Variants in TRPC4AP observed in about 807,000 individuals in gnomAD.
The protein encoded by TRPC4AP is transient receptor potential cation channel subfamily C member 4 associated protein.
Under a neutral mutation model 99.0 loss-of-function variants are expected in TRPC4AP, and 45 were observed. That is an observed-to-expected ratio of 0.45 (90% CI 0.36 to 0.58). The LOEUF (loss-of-function observed/expected upper bound fraction) is 0.58, where lower values mean the gene tolerates loss of function less well. Among genes scored for constraint, TRPC4AP ranks in the 20% least tolerant of loss-of-function variants. The pLI is 0.00. For synonymous variants in TRPC4AP, 408 were observed against 385.8 expected (o/e 1.06, Z -0.67); for missense variants, 879 against 985.3 (o/e 0.89, Z 1.44).
At chr20:35,019,748 C>T (rs6088678) in intron 9 of TRPC4AP, among the ~76,000 whole-genome samples, 28,042 of 152,074 alleles carry the variant, frequency 0.18, 2,682 homozygotes, top group Middle Eastern at 0.34. Context: ...AAACATGTTC[C>T]GTATTGAAGG....
At chr20:35,015,115 T>C (rs1235266027) in intron 10 of TRPC4AP, among the ~76,000 whole-genome samples, 2 of 152,014 alleles carry the variant, frequency 1.3e-5, no homozygotes, top group African/African-American at 4.8e-5. Context: ...TTCTCCCACC[T>C]CAGCCTCCTG....
At position 35,014,720 on chromosome 20, in the gene TRPC4AP, T is replaced by C. The variant is rs181164130; in HGVS notation, c.1350+1288A>G. ...GCTGAGGGAAGTCCCCAGAGTGCAGTGAAGAGAAGAGGGCCCCATGGCACC... is the reference window on the plus strand; with the variant it reads ...GCTGAGGGAAGTCCCCAGAGTGCAGCGAAGAGAAGAGGGCCCCATGGCACC... On this transcript the variant is annotated intron_variant, in intron 10 of 18. Coordinates refer to ENST00000252015, the MANE Select transcript of TRPC4AP (RefSeq NM_015638.3). 8.2e-3 allele frequency among the ~76,000 whole-genome samples: 1,246 copies of C among 152,222 alleles called. 8 individuals are homozygous for C. The highest frequency in any genetic ancestry group is 0.012 in the Non-Finnish European group (808 of 68,012).
At chr20:35,042,555 A>G (rs1009944368) in intron 7 of TRPC4AP, among the ~76,000 whole-genome samples, 10 of 152,182 alleles carry the variant, frequency 6.6e-5, no homozygotes, top group African/African-American at 9.7e-5. Context: ...TTTTAATGAT[A>G]CATTTGTATA....
rs377226689 is a variant in TRPC4AP at position 35,005,679 on chromosome 20, C to T, written c.1936+16G>A. 223 of 1,611,926 alleles carry T rather than the reference C, an allele frequency of 1.4e-4. 2 individuals carry two copies. In the African/African-American group the frequency reaches 2.4e-3, roughly 18 times the overall value. ...TACCCTGCATGACTTGCCTTGACAG[C>T]CTGCCTTTCATGTACCTTTCATATC... is the stretch of plus-strand genomic sequence containing the variant. On this transcript the variant is annotated intron_variant, in intron 16 of 18. Transcript: ENST00000252015.
chr20:35,051,204 A>T (rs2083692243), intron 5 of TRPC4AP, among the ~76,000 whole-genome samples: 1 of 152,174 alleles, frequency 6.6e-6, no homozygotes, highest in Admixed American at 6.5e-5. Context: ...AAGTATAATC[A>T]AGAGTGCAGA....
At chr20:35,082,737 G>T (rs1211216657) in intron 1 of TRPC4AP, among the ~76,000 whole-genome samples, 1 of 152,118 alleles carries the variant, frequency 6.6e-6, no homozygotes, top group Non-Finnish European at 1.5e-5. Context: ...TTTATTCAAT[G>T]CAATTCACCA....
At position 35,074,283 on chromosome 20, in the gene TRPC4AP, G is replaced by T. The variant is rs142923686; in HGVS notation, c.297+3763C>A. 4.4e-3 allele frequency among the ~76,000 whole-genome samples: 671 copies of T among 152,224 alleles called. 1 individual carries two copies. Among genetic ancestry groups the T allele is most frequent in the Non-Finnish European group, 6.1e-3 (412 of 68,014 alleles). ...TCTCTATATCCTTCAGTACTGCTCT[G>T]ATCTTAGTTATTTCTCGCCTTCTGC... On this transcript the variant is annotated intron_variant, in intron 2 of 18. Coordinates refer to ENST00000252015, the MANE Select transcript of TRPC4AP (RefSeq NM_015638.3).
chr20:35,062,919 T>C (rs1386673197), intron 3 of TRPC4AP, among the ~76,000 whole-genome samples: 2 of 152,224 alleles, frequency 1.3e-5, no homozygotes, highest in Admixed American at 6.5e-5. Flanking sequence ...TTATAGAAGC[T>C]AGACATAAAA....
intron 1 of TRPC4AP, among the ~76,000 whole-genome samples, chr20:35,079,838 G>A (rs1188879684): frequency 5.4e-5 from 8 of 148,774 alleles, no homozygotes; most frequent in Admixed American, 2.1e-4. Flanking sequence ...GCAACATAGC[G>A]AGAGCTCGCC....
intron 8 of TRPC4AP, chr20:35,030,361 G>A (rs1043750885): frequency 2.6e-5 from 4 of 151,870 alleles, no homozygotes; most frequent in Non-Finnish European, 4.4e-5. Context: ...TCCTTGCACA[G>A]GGGCCATGCT....
At chr20:35,081,389 C>T (rs2084641536) in intron 1 of TRPC4AP, among the ~76,000 whole-genome samples, 1 of 151,836 alleles carries the variant, frequency 6.6e-6, no homozygotes, top group Admixed American at 6.6e-5. Flanking sequence ...CAGCATGTGC[C>T]TGTAATCCCA....
chr20:35,055,080 G>A (rs2083794060), intron 4 of TRPC4AP, 49 bp from the exon 5 acceptor site: 1 of 1,530,684 alleles, frequency 6.5e-7, no homozygotes, highest in Non-Finnish European at 9.0e-7. Context: ...TGAAAAGATA[G>A]TACAACAGTT....
intron 1 of TRPC4AP, among the ~76,000 whole-genome samples, chr20:35,086,537 G>GTATATA (rs1289641922): frequency 4.6e-5 from 3 of 65,036 alleles, no homozygotes; most frequent in African/African-American, 8.6e-5. Flanking sequence ...GTGTGTGTGT[G>GTATATA]TGTGTGTGTG....
At chr20:35,067,626 T>C (rs1346333907) in intron 3 of TRPC4AP, among the ~76,000 whole-genome samples, 1 of 152,136 alleles carries the variant, frequency 6.6e-6, no homozygotes, top group Non-Finnish European at 1.5e-5. Flanking sequence ...CAAATGCCTC[T>C]CAACAAATAA....
In TRPC4AP at chr20:35,003,400, G is replaced by C. The variant is rs757271512; in HGVS notation, c.2256+10C>G. The C allele has an allele frequency of 4.3e-6, 7 of 1,613,918 alleles. No homozygotes were observed. The highest frequency in any genetic ancestry group is 5.9e-6 in the Non-Finnish European group (7 of 1,180,000). ...CCCACCCATCACCCCCTTGAGGGTG[G>C]GGCACTCACGTTCTCTAGGCAGGTG... On this transcript the variant is annotated intron_variant, in intron 18 of 18. Coordinates refer to ENST00000252015, the MANE Select transcript of TRPC4AP (RefSeq NM_015638.3).
At chr20:35,073,939 A>T (rs1053088485) in intron 2 of TRPC4AP, among the ~76,000 whole-genome samples, 2 of 152,186 alleles carry the variant, frequency 1.3e-5, no homozygotes, top group Non-Finnish European at 2.9e-5. Flanking sequence ...TATTGCCTCA[A>T]CTTCAGAGCC....
In TRPC4AP at chr20:35,078,028, A is replaced by C. The variant is rs78704804; in HGVS notation, c.297+18T>G. On this transcript the variant is annotated intron_variant, in intron 2 of 18. Coordinates refer to ENST00000252015, the MANE Select transcript of TRPC4AP (RefSeq NM_015638.3). ...CTAGAGGCCCTGAATACGCCCCTCCAAGGTCCTTAAGAGTTACCTTGAGGA... is the reference window on the plus strand; with the variant it reads ...CTAGAGGCCCTGAATACGCCCCTCCCAGGTCCTTAAGAGTTACCTTGAGGA... 0.089 allele frequency: 141,978 copies of C among 1,596,580 alleles called. 6,932 individuals are homozygous for C. Among genetic ancestry groups the C allele is most frequent in the South Asian group, 0.15 (13,096 of 89,180 alleles).
intron 4 of TRPC4AP, among the ~76,000 whole-genome samples, chr20:35,056,200 C>T (rs905826448): frequency 6.6e-6 from 1 of 152,160 alleles, no homozygotes; most frequent in African/African-American, 2.4e-5. Context: ...GACTTCAGAG[C>T]AGGGTGAAAC....
rs71196792 is a variant in TRPC4AP at position 35,090,377 on chromosome 20, C to CTTTTTTTTTTTT, written c.168+2225_168+2236dup. On this transcript the variant is annotated intron_variant, in intron 1 of 18. Transcript: ENST00000252015. Reference sequence around the variant, plus strand: ...TTCCAGCAGCCTTGTATCTGGTGAGCTTTTTTTTTTTTTTTTTGAGATGAA... The same window carrying CTTTTTTTTTTTT: ...TTCCAGCAGCCTTGTATCTGGTGAGCTTTTTTTTTTTTTTTTTTTTTTTTTTTTTGAGATGAA... 1.5e-3 allele frequency among the ~76,000 whole-genome samples: 137 copies of CTTTTTTTTTTTT among 88,960 alleles called. 14 individuals carry two copies. Among genetic ancestry groups the CTTTTTTTTTTTT allele is most frequent in the African/African-American group, 4.4e-3 (95 of 21,598 alleles). The allele number at this position is 88,960 out of a possible 152,430, so 58.4% of individuals were successfully genotyped here. A position where few individuals can be genotyped will look rare whatever the true frequency, so the allele number is the denominator to read the frequency against.
Sources: allele counts gnomAD v4.1 joint callset (sites outside exome capture counted in the v4.1 genomes callset), GRCh38; gene constraint gnomAD v4.1.1; transcripts MANE v1.5; gene names NCBI Gene and HGNC (gene_info 2026-07-23, HGNC 2026-07-21).